Variants in MCTP1 observed in about 807,000 individuals in gnomAD.
MCTP1 encodes multiple C2 and transmembrane domain containing 1, also known as multiple C2 and transmembrane domain-containing protein 1.
Under a neutral mutation model 120.6 loss-of-function variants are expected in MCTP1, and 69 were observed. The observed-to-expected ratio is 0.57, with a 90% CI of 0.47 to 0.70. The LOEUF is 0.70. Among genes scored for constraint, MCTP1 ranks in the 30% least tolerant of loss-of-function variants. The probability of loss-of-function intolerance (pLI) is 0.00; values close to 1 mark genes in which losing one functional copy is unlikely to be tolerated. For missense variants in MCTP1, 1,203 were observed against 1,248.8 expected (o/e 0.96, Z 0.55); for synonymous variants, 529 against 493.1 (o/e 1.07, Z -0.96).
chr5:94,817,966 T>C (rs1784834398), intron 17 of MCTP1, among the ~76,000 whole-genome samples: 2 of 152,124 alleles, frequency 1.3e-5, no homozygotes, highest in African/African-American at 4.8e-5. Flanking sequence ...CCAGACCTGG[T>C]CAAAAAGAGT....
chr5:95,257,285 A>G (rs1757987911), intron 1 of MCTP1, among the ~76,000 whole-genome samples: 1 of 152,198 alleles, frequency 6.6e-6, no homozygotes, highest in Non-Finnish European at 1.5e-5. Context: ...CATGAGTACT[A>G]AAAATATAGT....
intron 1 of MCTP1, among the ~76,000 whole-genome samples, chr5:95,235,611 GA>G (rs1314380654): frequency 6.6e-6 from 1 of 152,060 alleles, no homozygotes; most frequent in Non-Finnish European, 1.5e-5. Flanking sequence ...ATAAAAGTTA[GA>G]AATTTTTTTT....
At position 95,126,534 on chromosome 5, in the gene MCTP1, GT is replaced by G. The variant is rs1049091266; in HGVS notation, c.721-109051del. ...TTCCCAAATATAATTTCCAAAATCA[GT>G]TTTTTTAGACGTATAAACACCCCCT... On this transcript the variant is annotated intron_variant, in intron 1 of 22. Coordinates refer to ENST00000515393, the MANE Select transcript of MCTP1 (RefSeq NM_024717.7). 3.3e-5 allele frequency among the ~76,000 whole-genome samples: 5 copies of G among 152,200 alleles called. 1 individual carries two copies. The highest frequency in any genetic ancestry group is 3.3e-4 in the Admixed American group (5 of 15,300).
At chr5:95,121,268 A>G (rs565165509) in intron 1 of MCTP1, among the ~76,000 whole-genome samples, 1 of 104,064 alleles carries the variant, frequency 9.6e-6, no homozygotes, top group South Asian at 3.2e-4. Flanking sequence ...ACAGAGCGAG[A>G]CTCCATCACA....
At chr5:95,161,600 C>A (rs983872754) in intron 1 of MCTP1, among the ~76,000 whole-genome samples, 2 of 151,938 alleles carry the variant, frequency 1.3e-5, no homozygotes, top group Non-Finnish European at 2.9e-5. Context: ...ATGTTTTCAC[C>A]ACAAAAAATA....
chr5:95,219,420 T>C (rs893602082), intron 1 of MCTP1, among the ~76,000 whole-genome samples: 6 of 152,098 alleles, frequency 3.9e-5, no homozygotes, highest in Non-Finnish European at 8.8e-5. Flanking sequence ...ATAATTTATT[T>C]AAAACACAAA....
chr5:95,198,571 T>C lies in MCTP1; in HGVS notation c.720+85285A>G, dbSNP rs909767489. 6.6e-5 allele frequency among the ~76,000 whole-genome samples: 10 copies of C among 152,194 alleles called. No homozygotes were observed. The South Asian group carries it at 1.0e-3, about 16-fold the overall frequency. On this transcript the variant is annotated intron_variant, in intron 1 of 22. Transcript: ENST00000515393. ...TATTTAGTAGGTTAGGTGGATTAAA[T>C]GCATTTTCACCTTATCAGGATTTAT...
At chr5:94,978,611 C>T (rs1828657842) in intron 2 of MCTP1, among the ~76,000 whole-genome samples, 1 of 152,094 alleles carries the variant, frequency 6.6e-6, no homozygotes, top group African/African-American at 2.4e-5. Flanking sequence ...AGGACAAATA[C>T]TGCATGATTT....
chr5:95,099,231 A>C lies in MCTP1; in HGVS notation c.721-81747T>G, dbSNP rs191753021. 9.5e-4 allele frequency among the ~76,000 whole-genome samples: 144 copies of C among 152,358 alleles called. 1 individual carries two copies. The highest frequency in any genetic ancestry group is 6.8e-3 in the Middle Eastern group (2 of 294). ...GCACGGGCAAGGACTTCATGTCTAAAACACCAAAAGCAATGGCAACAAAAG... is the reference window on the plus strand; with the variant it reads ...GCACGGGCAAGGACTTCATGTCTAACACACCAAAAGCAATGGCAACAAAAG... On this transcript the variant is annotated intron_variant, in intron 1 of 22. Transcript: ENST00000515393.
At chr5:95,242,424 T>C (rs1756269535) in intron 1 of MCTP1, among the ~76,000 whole-genome samples, 1 of 152,156 alleles carries the variant, frequency 6.6e-6, no homozygotes, top group Non-Finnish European at 1.5e-5. Flanking sequence ...GAGAATATTC[T>C]ATTGGAAGTA....
In MCTP1 at chr5:94,977,012, T is replaced by C. The variant is rs950423205; in HGVS notation, c.839-23651A>G. ...GAAAAGGAAATAAAAGCTATCCAAA[T>C]CTGAAAAGGAGAAGTAAAATTGGCC... On this transcript the variant is annotated intron_variant, in intron 2 of 22. Transcript: ENST00000515393. Among the ~76,000 whole-genome samples the C allele has an allele frequency of 3.9e-5, 6 of 152,052 alleles. No homozygotes were observed. In the East Asian group the frequency reaches 1.2e-3, roughly 29 times the overall value.
chr5:95,202,471 A>T (rs1368514881), intron 1 of MCTP1, among the ~76,000 whole-genome samples: 1 of 152,152 alleles, frequency 6.6e-6, no homozygotes, highest in Admixed American at 6.5e-5. Flanking sequence ...CTTCCCTAAC[A>T]AATCTTATCT....
At position 94,868,458 on chromosome 5, in the gene MCTP1, A is replaced by G; in HGVS notation, c.2317-6T>C. The G allele has an allele frequency of 4.4e-6, 7 of 1,584,998 alleles. No individual in the cohort carries two copies. Among genetic ancestry groups the G allele is most frequent in the Non-Finnish European group, 6.0e-6 (7 of 1,167,418 alleles). The stretch of plus-strand genomic sequence containing the variant: ...ATAAAGTTTCTTAGTAGCAGCTGTA[A>G]GGAAAATGAAAATATTATTATAATT... On this transcript the variant is annotated splice_polypyrimidine_tract_variant and splice_region_variant and intron_variant, in intron 16 of 22. Coordinates refer to ENST00000515393, the MANE Select transcript of MCTP1 (RefSeq NM_024717.7).
intron 17 of MCTP1, among the ~76,000 whole-genome samples, chr5:94,824,343 C>T (rs191041852): frequency 6.6e-6 from 1 of 152,242 alleles, no homozygotes; most frequent in East Asian, 1.9e-4. Flanking sequence ...TGATGGATTA[C>T]GTTTATTGAT....
chr5:94,898,319 T>C (rs1804632706), intron 10 of MCTP1, among the ~76,000 whole-genome samples: 1 of 152,258 alleles, frequency 6.6e-6, no homozygotes, highest in Non-Finnish European at 1.5e-5. Context: ...GAGAGTAAGA[T>C]GCCATTTTAA....
At chr5:94,914,034 C>A (rs1809457959) in intron 8 of MCTP1, among the ~76,000 whole-genome samples, 1 of 152,146 alleles carries the variant, frequency 6.6e-6, no homozygotes, top group Non-Finnish European at 1.5e-5. Context: ...GCCACCACAC[C>A]TGGCTTAGAC....
chr5:95,039,221 T>C (rs1198722069), intron 1 of MCTP1, among the ~76,000 whole-genome samples: 1 of 152,216 alleles, frequency 6.6e-6, no homozygotes. Context: ...CTAAATTTGA[T>C]TGTTCAAAAA....
At chr5:94,907,403 C>T (rs1037956074) in intron 10 of MCTP1, among the ~76,000 whole-genome samples, 2 of 152,180 alleles carry the variant, frequency 1.3e-5, no homozygotes, top group African/African-American at 4.8e-5. Flanking sequence ...GCTGTCTTGT[C>T]TATACCTGTG....
chr5:95,258,030 T>C (rs1422101127), intron 1 of MCTP1, among the ~76,000 whole-genome samples: 2 of 152,174 alleles, frequency 1.3e-5, no homozygotes, highest in Non-Finnish European at 2.9e-5. Flanking sequence ...CTGTGCTGAA[T>C]TCCAAATAAT....
Sources: allele counts gnomAD v4.1 joint callset (sites outside exome capture counted in the v4.1 genomes callset), GRCh38; gene constraint gnomAD v4.1.1; transcripts MANE v1.5; gene names NCBI Gene and HGNC (gene_info 2026-07-23, HGNC 2026-07-21).